Variants in SLC35F3 observed in about 807,000 individuals in gnomAD.
The protein encoded by SLC35F3 is putative thiamine transporter SLC35F3.
Under a neutral mutation model 49.9 loss-of-function variants are expected in SLC35F3, and 25 were observed. That is an observed-to-expected ratio of 0.50 (90% CI 0.37 to 0.70). The LOEUF (loss-of-function observed/expected upper bound fraction) is 0.70. Ranked by LOEUF, SLC35F3 falls within the 30% of genes least tolerant of loss-of-function variation. The pLI is 0.00. For missense variants in SLC35F3, 525 were observed against 639.8 expected (o/e 0.82, Z 1.94); for synonymous variants, 275 against 265.4 (o/e 1.04, Z -0.35).
chr1:234,203,870 C>T (rs1666934280), intron 2 of SLC35F3, among the ~76,000 whole-genome samples: 1 of 152,084 alleles, frequency 6.6e-6, no homozygotes, highest in Non-Finnish European at 1.5e-5. Context: ...GAAGTTTATT[C>T]AATTTTTTTC....
At chr1:234,276,791 A>G (rs77091747) in intron 3 of SLC35F3, among the ~76,000 whole-genome samples, 9,070 of 152,070 alleles carry the variant, frequency 0.06, 321 homozygotes, top group African/African-American at 0.096. Flanking sequence ...AAAAAATAAA[A>G]TGTCATGCAG....
At position 234,129,650 on chromosome 1, in the gene SLC35F3, A is replaced by G. The variant is rs146897800; in HGVS notation, c.284-101767A>G. 6.5e-4 allele frequency among the ~76,000 whole-genome samples: 99 copies of G among 152,360 alleles called. 1 individual carries two copies. Among genetic ancestry groups the G allele is most frequent in the Admixed American group, 5.4e-3 (83 of 15,302 alleles). ...TAGCCAAGAACAAAGTTAGATAACT[A>G]CATTACCAGATTCCAAAAATTATAA... On this transcript the variant is annotated intron_variant, in intron 2 of 7. Transcript: ENST00000366618.
intron 2 of SLC35F3, among the ~76,000 whole-genome samples, chr1:234,038,782 T>TA (rs1362435363): frequency 1.3e-5 from 2 of 152,196 alleles, no homozygotes; most frequent in Admixed American, 1.3e-4. Context: ...TTGAGGTTGT[T>TA]ATAGTGTCCA....
chr1:234,194,697 G>A (rs1666781451), intron 2 of SLC35F3, among the ~76,000 whole-genome samples: 1 of 152,156 alleles, frequency 6.6e-6, no homozygotes, highest in Non-Finnish European at 1.5e-5. Context: ...AGAAACATAT[G>A]TGGGTGTCAA....
chr1:234,273,184 A>G (rs1465671736), intron 3 of SLC35F3, among the ~76,000 whole-genome samples: 1 of 152,160 alleles, frequency 6.6e-6, no homozygotes, highest in Non-Finnish European at 1.5e-5. Flanking sequence ...TCCTACCTTC[A>G]ATGCATCGAT....
intron 3 of SLC35F3, among the ~76,000 whole-genome samples, chr1:234,285,817 C>G (rs990886769): frequency 6.6e-6 from 1 of 152,092 alleles, no homozygotes; most frequent in African/African-American, 2.4e-5. Flanking sequence ...TAACTGAACT[C>G]CAGCAAAGCA....
intron 2 of SLC35F3, among the ~76,000 whole-genome samples, chr1:234,186,756 T>G (rs1049864761): frequency 2.6e-5 from 4 of 152,176 alleles, no homozygotes; most frequent in African/African-American, 9.7e-5. Flanking sequence ...AGGTATCCCA[T>G]GTACATTAGC....
At chr1:233,976,467 C>T (rs935627372) in intron 2 of SLC35F3, among the ~76,000 whole-genome samples, 5 of 152,192 alleles carry the variant, frequency 3.3e-5, no homozygotes, top group African/African-American at 9.6e-5. Context: ...ACTAGCTTCT[C>T]GGCTTCAAAC....
intron 2 of SLC35F3, among the ~76,000 whole-genome samples, chr1:234,188,691 A>G (rs1170677661): frequency 1.3e-5 from 2 of 151,880 alleles, no homozygotes. Context: ...TCCCTTTACT[A>G]CCACAGCTGA....
intron 2 of SLC35F3, among the ~76,000 whole-genome samples, chr1:234,159,082 T>C (rs1363473247): frequency 6.6e-6 from 1 of 152,136 alleles, no homozygotes; most frequent in Non-Finnish European, 1.5e-5. Context: ...ACCCAGAGCA[T>C]TATAGATGTT....
At chr1:234,128,298 C>T (rs1379862448) in intron 2 of SLC35F3, among the ~76,000 whole-genome samples, 2 of 152,188 alleles carry the variant, frequency 1.3e-5, no homozygotes, top group South Asian at 2.1e-4. Flanking sequence ...ATGTTTTACC[C>T]TCTGCTGTCT....
intron 2 of SLC35F3, among the ~76,000 whole-genome samples, chr1:234,181,053 T>C (rs2102923540): frequency 6.6e-6 from 1 of 152,222 alleles, no homozygotes; most frequent in South Asian, 2.1e-4. Context: ...TTCTTAAAAA[T>C]GGCCAGGCGC....
intron 2 of SLC35F3, among the ~76,000 whole-genome samples, chr1:234,190,770 A>G (rs1019221149): frequency 1.3e-5 from 2 of 152,218 alleles, no homozygotes; most frequent in Non-Finnish European, 1.5e-5. Flanking sequence ...TATACATTCT[A>G]TTTCATCAGT....
At chr1:234,197,964 A>G (rs1666840340) in intron 2 of SLC35F3, among the ~76,000 whole-genome samples, 1 of 152,220 alleles carries the variant, frequency 6.6e-6, no homozygotes, top group African/African-American at 2.4e-5. Flanking sequence ...AATAAGCTAC[A>G]CAAACTCTGG....
intron 2 of SLC35F3, among the ~76,000 whole-genome samples, chr1:233,916,380 G>A (rs547758687): frequency 2.0e-5 from 3 of 152,020 alleles, no homozygotes; most frequent in Non-Finnish European, 4.4e-5. Flanking sequence ...CAATCCTCCC[G>A]CCTCAGCCTC....
At chr1:234,094,860 A>G (rs1454490356) in intron 2 of SLC35F3, among the ~76,000 whole-genome samples, 1 of 152,204 alleles carries the variant, frequency 6.6e-6, no homozygotes, top group Non-Finnish European at 1.5e-5. Flanking sequence ...CAGTCTGCCT[A>G]TCTCTGTCTA....
At chr1:233,977,498 G>A (rs1270451942) in intron 2 of SLC35F3, among the ~76,000 whole-genome samples, 4 of 152,178 alleles carry the variant, frequency 2.6e-5, no homozygotes, top group Non-Finnish European at 4.4e-5. Flanking sequence ...AGGGGACAGG[G>A]AGCTGCACGT....
intron 2 of SLC35F3, among the ~76,000 whole-genome samples, chr1:234,144,042 C>T (rs1040684683): frequency 3.3e-5 from 5 of 152,070 alleles, no homozygotes; most frequent in East Asian, 1.9e-4. Flanking sequence ...CCTGCCACTG[C>T]GCAGTGAAGG....
Position 234,069,742 on chromosome 1 carries a change from G to A in SLC35F3, c.284-161675G>A, listed in dbSNP as rs963795681. Reference sequence around the variant, plus strand: ...GTAGTCCTCTCTTGGCTACCACCCCGGCACTCTTAACACAGTCTTGCATTT... The same window carrying A: ...GTAGTCCTCTCTTGGCTACCACCCCAGCACTCTTAACACAGTCTTGCATTT... On this transcript the variant is annotated intron_variant, in intron 2 of 7. Transcript: ENST00000366618. 6.6e-5 allele frequency among the ~76,000 whole-genome samples: 10 copies of A among 152,162 alleles called. No homozygotes were observed. The East Asian group carries it at 7.7e-4, about 12-fold the overall frequency.
Sources: gnomAD v4.1 joint callset for allele counts (sites outside exome capture counted in the v4.1 genomes callset) on GRCh38, gnomAD v4.1.1 for gene constraint, MANE v1.5 for transcripts, NCBI Gene and HGNC (gene_info 2026-07-23, HGNC 2026-07-21) for gene names.